CLINT1: variants seen among roughly 807,000 people sequenced by gnomAD.
CLINT1 encodes the protein clathrin interacting protein localized in the trans-Golgi region.
In CLINT1, 15 loss-of-function variants were observed where a neutral mutation model predicts 70.4. The observed-to-expected ratio is 0.21, with a 90% CI of 0.14 to 0.33. The LOEUF (loss-of-function observed/expected upper bound fraction) is 0.33, where lower values mean the gene tolerates loss of function less well. CLINT1 is among the 10% of genes least tolerant of loss of function. The pLI is 1.00. For synonymous variants in CLINT1, 227 were observed against 254.7 expected (o/e 0.89, Z 1.04); for missense variants, 615 against 778.1 (o/e 0.79, Z 2.49).
chr5:157,822,419 T>C (rs1466549535), intron 1 of CLINT1, among the ~76,000 whole-genome samples: 1 of 152,180 alleles, frequency 6.6e-6, no homozygotes, highest in Non-Finnish European at 1.5e-5. Flanking sequence ...ATGTAAAAAG[T>C]GCCTTTCACC....
intron 1 of CLINT1, among the ~76,000 whole-genome samples, chr5:157,837,791 G>A (rs112253941): frequency 0.13 from 20,048 of 151,426 alleles, 1,540 homozygotes; most frequent in Non-Finnish European, 0.19. Context: ...CTACAGGCAC[G>A]TGCCACCATG....
chr5:157,852,018 C>T (rs1753594077), intron 1 of CLINT1, among the ~76,000 whole-genome samples: 1 of 152,180 alleles, frequency 6.6e-6, no homozygotes, highest in Non-Finnish European at 1.5e-5. Context: ...TTGTCAAACA[C>T]CATGAATTTG....
chr5:157,805,814 C>T lies in CLINT1; in HGVS notation c.942+52G>A, dbSNP rs1047781047. Reference sequence around the variant, plus strand: ...CCTACTAATGCAGGAATTCGAAGAGCGGTTTATAAAAATAAAACCATGTAT... The same window carrying T: ...CCTACTAATGCAGGAATTCGAAGAGTGGTTTATAAAAATAAAACCATGTAT... On this transcript the variant is annotated intron_variant, in intron 7 of 11. Transcript: ENST00000411809. 47 of 1,599,334 alleles carry T rather than the reference C, an allele frequency of 2.9e-5. 1 individual carries two copies. The highest frequency in any genetic ancestry group is 1.1e-4 in the South Asian group (10 of 90,098).
intron 1 of CLINT1, among the ~76,000 whole-genome samples, chr5:157,847,995 T>C (rs980985170): frequency 6.6e-6 from 1 of 152,284 alleles, no homozygotes; most frequent in Non-Finnish European, 1.5e-5. Flanking sequence ...TTAGCAGAGA[T>C]GAGGTTTCAC....
At chr5:157,815,009 G>C (rs1284763507) in intron 3 of CLINT1, among the ~76,000 whole-genome samples, 1 of 149,888 alleles carries the variant, frequency 6.7e-6, no homozygotes, top group Non-Finnish European at 1.5e-5. Context: ...CTCCAGCCTC[G>C]GCGACAGAGA....
chr5:157,817,578 C>A (rs959745876), intron 1 of CLINT1, 31 bp from the exon 2 acceptor site: 3 of 1,377,972 alleles, frequency 2.2e-6, no homozygotes, highest in East Asian at 4.8e-5. Flanking sequence ...CGCACACATG[C>A]ACAAAGATTA....
chr5:157,856,178 T>G (rs934858249), intron 1 of CLINT1, among the ~76,000 whole-genome samples: 1 of 152,206 alleles, frequency 6.6e-6, no homozygotes, highest in Non-Finnish European at 1.5e-5. Context: ...TCAGCCTAAA[T>G]TGTCTACAGA....
At position 157,787,437 on chromosome 5, in the gene CLINT1, G is replaced by T. The variant is rs573560187; in HGVS notation, c.*209C>A. On this transcript the variant is annotated 3_prime_UTR_variant, in exon 12 of 12. Transcript: ENST00000411809. ...TGGTCTATCCTCACTGGAAAAAAAT[G>T]ATTTTGACTGCCTCATCTGAAGTGC... 1 of 587,804 alleles carries T rather than the reference G, an allele frequency of 1.7e-6. No homozygotes were observed. The highest frequency in any genetic ancestry group is 3.0e-6 in the Non-Finnish European group (1 of 332,976). 36.4% of individuals were successfully genotyped at this position (587,804 alleles called of 1,614,324 possible). A position where few individuals can be genotyped will look rare whatever the true frequency, so the allele number is the denominator to read the frequency against.
chr5:157,792,095 C>T, intron 9 of CLINT1, 100 bp from the exon 10 acceptor site: 1 of 965,958 alleles, frequency 1.0e-6, no homozygotes, highest in Admixed American at 2.5e-5. Context: ...ATCTGAGTCC[C>T]CCAGATTAAC....
At chr5:157,841,224 TCA>T (rs1391690542) in intron 1 of CLINT1, among the ~76,000 whole-genome samples, 1 of 151,978 alleles carries the variant, frequency 6.6e-6, no homozygotes, top group African/African-American at 2.4e-5. Flanking sequence ...CATGATGGTG[TCA>T]CTGTAATCCA....
At chr5:157,806,851 AT>A (rs975461077) in intron 6 of CLINT1, among the ~76,000 whole-genome samples, 2 of 152,124 alleles carry the variant, frequency 1.3e-5, no homozygotes, top group African/African-American at 2.4e-5. Context: ...AGTGAAAAAG[AT>A]TTTAAAAACT....
chr5:157,829,035 G>C (rs577063717), intron 1 of CLINT1, among the ~76,000 whole-genome samples: 1 of 152,124 alleles, frequency 6.6e-6, no homozygotes, highest in East Asian at 1.9e-4. Context: ...CCGGGAAGCG[G>C]AGGTTGCAGT....
At position 157,791,767 on chromosome 5, in the gene CLINT1, C is replaced by A; in HGVS notation, c.1316G>T (p.Ser439Ile). 6.2e-7 allele frequency: 1 copy of A among 1,614,002 alleles called. No homozygotes were observed. The highest frequency in any genetic ancestry group is 8.5e-7 in the Non-Finnish European group (1 of 1,179,886). The change falls in exon 10 of 12, where the codon AGT becomes ATT. Residue 439 changes from serine (S) to isoleucine (I), a missense_variant. Transcript: ENST00000411809. Reference protein sequence around the residue: ...SSQATMTSSQSMNFSMMSTNT... With the variant: ...SSQATMTSSQIMNFSMMSTNT... ...AGTGCTCATCATAGAGAAATTCATACTCTGGGAAGATGTCATGGTTGCCTG... is the reference window on the plus strand; with the variant it reads ...AGTGCTCATCATAGAGAAATTCATAATCTGGGAAGATGTCATGGTTGCCTG...
chr5:157,791,603 G>A, intron 10 of CLINT1, 100 bp downstream of exon 10: 1 of 1,086,612 alleles, frequency 9.2e-7, no homozygotes, highest in South Asian at 1.5e-5. Flanking sequence ...ACATAAAAAG[G>A]ACTTGCTTAT....
intron 9 of CLINT1, among the ~76,000 whole-genome samples, chr5:157,794,629 T>C (rs1435185349): frequency 6.6e-6 from 1 of 152,194 alleles, no homozygotes; most frequent in Non-Finnish European, 1.5e-5. Flanking sequence ...ACTCACATCC[T>C]CCTTTCCCTT....
chr5:157,793,267 A>C (rs1561637010), intron 9 of CLINT1, among the ~76,000 whole-genome samples: 1 of 150,552 alleles, frequency 6.6e-6, no homozygotes, highest in Non-Finnish European at 1.5e-5. Flanking sequence ...AGTTCTAGAT[A>C]TTAAACAATT....
Position 157,814,224 on chromosome 5 carries a change from T to C in CLINT1, c.313A>G (p.Ile105Val), listed in dbSNP as rs1762643786. 3 of 1,610,782 alleles carry C rather than the reference T, an allele frequency of 1.9e-6. No homozygotes were observed. The highest frequency in any genetic ancestry group is 2.5e-6 in the Non-Finnish European group (3 of 1,178,560). Residue 105 changes from isoleucine to valine, a missense_variant, in exon 4 of 12, where the codon ATT (isoleucine) becomes GTT (valine). Physicochemically the swap from Ile to Val is conservative, Grantham distance 29. This residue lies in a region of CLINT1 where 241 missense variants were observed against 368.6 expected (regional missense o/e 0.65). Transcript: ENST00000411809. ...ERVVTSAREH[I>V]YDLRSLENYH... ...TTTTCCAGGGATCGTAAATCATAAA[T>C]GTGTTCTCTGGCACTTGTAACAACA...
intron 8 of CLINT1, among the ~76,000 whole-genome samples, chr5:157,799,182 T>C (rs1276477120): frequency 6.6e-6 from 1 of 152,144 alleles, no homozygotes; most frequent in South Asian, 2.1e-4. Context: ...CCAAATTGAA[T>C]GTGCATTACT....
chr5:157,855,158 G>A (rs1753713577), intron 1 of CLINT1, among the ~76,000 whole-genome samples: 1 of 23,800 alleles, frequency 4.2e-5, no homozygotes, highest in Admixed American at 3.1e-4. Flanking sequence ...AAAAAAAGGC[G>A]GGGGGGGGGG....
Sources: allele counts gnomAD v4.1 joint callset (sites outside exome capture counted in the v4.1 genomes callset), GRCh38; gene constraint gnomAD v4.1.1; regional missense constraint gnomAD v4.1.1; transcripts MANE v1.5; gene names NCBI Gene and HGNC (gene_info 2026-07-23, HGNC 2026-07-21).